Variants in FTCDNL1 observed in about 807,000 individuals in gnomAD.
FTCDNL1 encodes the protein formiminotransferase cyclodeaminase N-terminal like, also known as formiminotransferase N-terminal subdomain-containing protein.
FTCDNL1 carries 11 observed loss-of-function variants against 5.9 expected under a neutral mutation model. The observed-to-expected ratio is 1.87, with a 90% CI of 1.18 to 3.10. The LOEUF (loss-of-function observed/expected upper bound fraction) is 3.10, where lower values mean the gene tolerates loss of function less well. Ranked by LOEUF, FTCDNL1 falls within the 30% of genes most tolerant of loss-of-function variation. The pLI is 0.00. For synonymous variants in FTCDNL1, 58 were observed against 24.8 expected (o/e 2.34, Z -3.99); for missense variants, 115 against 65.5 (o/e 1.76, Z -2.61).
chr2:199,766,957 G>T (rs900148960), intron 3 of FTCDNL1, among the ~76,000 whole-genome samples: 1 of 151,794 alleles, frequency 6.6e-6, no homozygotes, highest in African/African-American at 2.4e-5. Context: ...ATTGAGGTAG[G>T]GGAAGTAAGA....
At chr2:199,708,918 A>C in the FTCDNL1 span, among the ~76,000 whole-genome samples, 1 of 152,062 alleles carries the variant, frequency 6.6e-6, no homozygotes, top group Non-Finnish European at 1.5e-5. Context: ...TGATTTATAA[A>C]TTCTAGATCC....
At chr2:199,775,976 C>T (rs543833187) in intron 3 of FTCDNL1, among the ~76,000 whole-genome samples, 8 of 148,774 alleles carry the variant, frequency 5.4e-5, no homozygotes, top group Middle Eastern at 3.5e-3. Flanking sequence ...TGCAGTGGCG[C>T]GATATCAGCT....
Position 199,762,538 on chromosome 2 carries a change from G to T in FTCDNL1, c.212-1703C>A, listed in dbSNP as rs185905028. ...TTCCAGGAAAACTGGGGTCTCTTCT[G>T]TCTTGTTCTCTGCTGTCTCTCCAGA... On this transcript the variant is annotated intron_variant, in intron 3 of 3. Coordinates refer to the FTCDNL1 transcript ENST00000416668. Among the ~76,000 whole-genome samples the T allele has an allele frequency of 1.1e-3, 175 of 152,254 alleles. 1 individual carries two copies. The highest frequency in any genetic ancestry group is 4.1e-3 in the African/African-American group (170 of 41,546).
downstream of FTCDNL1, among the ~76,000 whole-genome samples, chr2:199,757,301 A>G (rs918974568): frequency 4.0e-5 from 6 of 151,738 alleles, no homozygotes; most frequent in African/African-American, 1.4e-4. Flanking sequence ...AATGCCAAAC[A>G]AATAGGAAAA....
intron 3 of FTCDNL1, among the ~76,000 whole-genome samples, chr2:199,784,536 T>A (rs2106337579): frequency 6.6e-6 from 1 of 152,244 alleles, no homozygotes; most frequent in African/African-American, 2.4e-5. Context: ...TGGGGAGGAC[T>A]CTCAAAAACA....
the FTCDNL1 span, among the ~76,000 whole-genome samples, chr2:199,750,191 A>T: frequency 2.7e-5 from 4 of 149,640 alleles, no homozygotes; most frequent in African/African-American, 7.3e-5. Flanking sequence ...CCCTCTCTAT[A>T]AAAAAAAATA....
chr2:199,802,377 C>CA (rs1419013961), intron 3 of FTCDNL1, among the ~76,000 whole-genome samples: 1 of 152,112 alleles, frequency 6.6e-6, no homozygotes, highest in East Asian at 1.9e-4. Flanking sequence ...GTCTAGCCAG[C>CA]AAAACAAACA....
chr2:199,710,244 G>A, the FTCDNL1 span, among the ~76,000 whole-genome samples: 3 of 152,118 alleles, frequency 2.0e-5, no homozygotes, highest in East Asian at 5.8e-4. Flanking sequence ...TTCAAGTAAC[G>A]CTGAAGTGCT....
the FTCDNL1 span, among the ~76,000 whole-genome samples, chr2:199,674,083 G>A: frequency 1.3e-5 from 2 of 152,210 alleles, no homozygotes; most frequent in African/African-American, 4.8e-5. Flanking sequence ...AGGAAGTCCC[G>A]ATGTACCATC....
rs1700362204 is a variant in FTCDNL1 at position 199,799,976 on chromosome 2, C to G, written c.212-39141G>C. Among the ~76,000 whole-genome samples the G allele has an allele frequency of 2.0e-5, 3 of 152,012 alleles. No individual in the cohort carries two copies. The South Asian group carries it at 6.2e-4, about 31-fold the overall frequency. On this transcript the variant is annotated intron_variant, in intron 3 of 3. Coordinates refer to the FTCDNL1 transcript ENST00000416668. ...GTTTCCATGCTGTAGGTAAAACAGA[C>G]AGCTTCCTCCATGGAGGTTACAGGA...
chr2:199,701,223 T>C, the FTCDNL1 span, among the ~76,000 whole-genome samples: 1 of 148,316 alleles, frequency 6.7e-6, no homozygotes, highest in African/African-American at 2.5e-5. Context: ...ACGTCGCTAA[T>C]CATTAAAGAA....
the FTCDNL1 span, among the ~76,000 whole-genome samples, chr2:199,718,682 T>C: frequency 2.0e-5 from 3 of 152,196 alleles, no homozygotes; most frequent in African/African-American, 7.2e-5. Flanking sequence ...TGTATAAGCA[T>C]TCCCTTTACT....
intron 3 of FTCDNL1, among the ~76,000 whole-genome samples, chr2:199,828,291 T>G (rs918819965): frequency 6.6e-6 from 1 of 152,230 alleles, no homozygotes; most frequent in African/African-American, 2.4e-5. Context: ...TGCATAAAAA[T>G]CATCCCCTGT....
the FTCDNL1 span, among the ~76,000 whole-genome samples, chr2:199,686,056 G>A: frequency 3.3e-5 from 5 of 152,262 alleles, no homozygotes; most frequent in South Asian, 1.0e-3. Context: ...TCTAATGTGG[G>A]GCATGGAGGA....
In FTCDNL1 at chr2:199,812,168, G is replaced by A. The variant is rs147311701; in HGVS notation, c.*537C>T. ...TTTCTTATTCAAGTAGTGATAAAAC[G>A]GAGACAATTAATGAATCTGAGATGT... On this transcript the variant is annotated 3_prime_UTR_variant, in exon 5 of 5. Transcript: ENST00000420128. 4.7e-3 allele frequency among the ~76,000 whole-genome samples: 716 copies of A among 152,168 alleles called. 5 individuals are homozygous for A. Among genetic ancestry groups the A allele is most frequent in the African/African-American group, 0.016 (670 of 41,494 alleles).
At chr2:199,666,662 AT>A in the FTCDNL1 span, among the ~76,000 whole-genome samples, 4 of 152,176 alleles carry the variant, frequency 2.6e-5, no homozygotes. Context: ...CACACCTGTC[AT>A]CCCAGCACTT....
the FTCDNL1 span, among the ~76,000 whole-genome samples, chr2:199,690,747 G>A: frequency 4.6e-5 from 7 of 152,184 alleles, no homozygotes; most frequent in East Asian, 3.9e-4. Context: ...ATCAAACACC[G>A]AAGCAGGAAC....
At chr2:199,838,892 C>G (rs1702941023) in intron 3 of FTCDNL1, among the ~76,000 whole-genome samples, 1 of 152,070 alleles carries the variant, frequency 6.6e-6, no homozygotes, top group Non-Finnish European at 1.5e-5. Context: ...TTTTTTCAGC[C>G]CTTTTGTGCA....
chr2:199,671,455 A>T, the FTCDNL1 span, among the ~76,000 whole-genome samples: 1 of 152,210 alleles, frequency 6.6e-6, no homozygotes, highest in East Asian at 1.9e-4. Context: ...AATTACAAAC[A>T]AGTTAAAGAA....
Sources: allele counts gnomAD v4.1 joint callset (sites outside exome capture counted in the v4.1 genomes callset), GRCh38; gene constraint gnomAD v4.1.1; transcripts MANE v1.5; gene names NCBI Gene and HGNC (gene_info 2026-07-23, HGNC 2026-07-21).